Variants in NYX observed in about 807,000 individuals in gnomAD.
The protein encoded by NYX is leucine-rich repeat protein.
For synonymous variants in NYX, 258 were observed against 245.7 expected (o/e 1.05, Z -0.47); for missense variants, 481 against 485.4 (o/e 0.99, Z 0.09).
chrX:41,470,488 G>A (rs2064355048), intron 2 of NYX, among the ~76,000 whole-genome samples: 1 of 110,535 alleles, frequency 9.0e-6, no homozygotes, highest in African/African-American at 3.3e-5. Flanking sequence ...GAGGTCAGGA[G>A]TTTGAGACCA....
At chrX:41,472,758 C>T (rs747071579) in intron 2 of NYX, 46 of 281,836 alleles carry the variant, frequency 1.6e-4, no homozygotes, top group Non-Finnish European at 2.4e-4. Flanking sequence ...GTTCCGCCTG[C>T]GCCACCGCCA....
chrX:41,472,661 G>T (rs186978819), intron 2 of NYX: 5 of 427,701 alleles, frequency 1.2e-5, no homozygotes, highest in Non-Finnish European at 1.6e-5. Context: ...CATTGTCTTG[G>T]CGAGGTCCGT....
Position 41,474,860 on chromosome X carries a change from C to T in NYX, c.1392C>T (p.Ser464=), listed in dbSNP as rs1003093901. ...TCCTCGCCTCTTGTCTCCTGCCCAG[C>T]GTGGCCCAGCACGTGGTGTTTGGCC... is the stretch of plus-strand genomic sequence containing the variant. The part of the protein sequence containing the change: ...WFLLASCLLP[S]VAQHVVFGLQ... Residue 464 remains serine, a synonymous_variant, in exon 3 of 3, where the codon AGC becomes AGT. Transcript: ENST00000378220. The T allele has an allele frequency of 9.9e-6, 12 of 1,207,001 alleles. No individual in the cohort carries two copies. The highest frequency in any genetic ancestry group is 1.3e-5 in the Non-Finnish European group (12 of 894,025).
intron 2 of NYX, among the ~76,000 whole-genome samples, chrX:41,473,115 T>C (rs1416094657): frequency 1.8e-5 from 2 of 111,817 alleles, no homozygotes; most frequent in Non-Finnish European, 3.8e-5. Flanking sequence ...AATATTTAAC[T>C]TAACCATTCA....
At position 41,474,440 on chromosome X, in the gene NYX, C is replaced by T. The variant is rs1229276861; in HGVS notation, c.972C>T (p.Gly324=). The T allele has an allele frequency of 1.7e-6, 2 of 1,208,633 alleles. No individual in the cohort carries two copies. The highest frequency in any genetic ancestry group is 4.3e-5 in the Admixed American group (2 of 46,081). ...CCTTCCAGCCCGGCTTCTTCCTGGG[C>T]CGCCTCTTCCTCTTCCGCAACCCGT... ...WVAFQPGFFL[G]RLFLFRNPWC... Residue 324 remains glycine, a synonymous_variant, in exon 3 of 3, where the codon GGC becomes GGT. Coordinates refer to ENST00000378220, the MANE Select transcript of NYX (RefSeq NM_001378477.3).
At chrX:41,451,037 G>T (rs1362410886) in intron 2 of NYX, among the ~76,000 whole-genome samples, 8 of 107,283 alleles carry the variant, frequency 7.5e-5, no homozygotes, top group Non-Finnish European at 1.3e-4. Flanking sequence ...TGGCCAGGCT[G>T]GTCTCAAACT....
At position 41,474,309 on chromosome X, in the gene NYX, G is replaced by T; in HGVS notation, c.841G>T (p.Asp281Tyr). The T allele has an allele frequency of 8.3e-7, 1 of 1,208,341 alleles. No individual in the cohort carries two copies. The highest frequency in any genetic ancestry group is 1.8e-5 in the South Asian group (1 of 57,060). The change falls in exon 3 of 3, where the codon GAC becomes TAC. Residue 281 changes from aspartate to tyrosine, a missense_variant. Transcript: ENST00000378220. The stretch of plus-strand genomic sequence containing the variant: ...GGCCGAGCTCGAGCTGCTCTACCTG[G>T]ACCGCAACAGCATCGCCTTCGTGGA... ...DLAELELLYL[D>Y]RNSIAFVEEG... is the part of the protein sequence containing the mutation.
At chrX:41,448,100 A>G (rs1457480212) in intron 2 of NYX, among the ~76,000 whole-genome samples, 174 bp downstream of exon 2, 1 of 111,460 alleles carries the variant, frequency 9.0e-6, no homozygotes, top group Admixed American at 9.6e-5. Flanking sequence ...AGAAAACAGC[A>G]GGTGGTGGGG....
chrX:41,473,608 G>C lies in NYX; in HGVS notation c.140G>C (p.Gly47Ala). ...RGCSVRCDRA[G>A]LLRVPAELPC... ...TGCTCGGTGCGCTGCGACCGCGCGG[G>C]CCTCCTGCGGGTGCCGGCCGAGCTC... The change falls in exon 3 of 3, where the codon GGC becomes GCC. Residue 47 changes from glycine (G) to alanine (A), a missense_variant. Transcript: ENST00000378220. 5 of 1,039,453 alleles carry C rather than the reference G, an allele frequency of 4.8e-6. No individual in the cohort carries two copies. The highest frequency in any genetic ancestry group is 6.2e-6 in the Non-Finnish European group (5 of 811,856). 85.7% of individuals were successfully genotyped at this position (1,039,453 alleles called of 1,213,427 possible).
At chrX:41,465,590 C>T (rs2064335038) in intron 2 of NYX, among the ~76,000 whole-genome samples, 1 of 103,188 alleles carries the variant, frequency 9.7e-6, no homozygotes, top group South Asian at 4.7e-4. Flanking sequence ...AGTGCAGTGG[C>T]ATGATCTCAG....
Position 41,473,604 on chromosome X carries a change from G to T in NYX, c.136G>T (p.Ala46Ser). The stretch of plus-strand genomic sequence containing the variant: ...CGGCTGCTCGGTGCGCTGCGACCGC[G>T]CGGGCCTCCTGCGGGTGCCGGCCGA... The part of the protein sequence containing the change: ...ERGCSVRCDR[A>S]GLLRVPAELP... Residue 46 changes from alanine to serine, a missense_variant, in exon 3 of 3, where the codon GCG (alanine) becomes TCG (serine). Ala to Ser is a moderately conservative substitution (Grantham distance 99). Transcript: ENST00000378220. 1 of 1,035,412 alleles carries T rather than the reference G, an allele frequency of 9.7e-7. No individual in the cohort carries two copies. Among genetic ancestry groups the T allele is most frequent in the South Asian group, 2.5e-5 (1 of 40,463 alleles). The allele number at this position is 1,035,412 out of a possible 1,213,427, so 85.3% of individuals were successfully genotyped here. A position where few individuals can be genotyped will look rare whatever the true frequency, so the allele number is the denominator to read the frequency against.
Position 41,447,732 on chromosome X carries a change from A to C in NYX, c.-56-117A>C, listed in dbSNP as rs150377105. 1.1e-5 allele frequency: 6 copies of C among 540,617 alleles called. No individual in the cohort carries two copies. In the East Asian group the frequency reaches 2.2e-4, roughly 20 times the overall value. 44.6% of individuals were successfully genotyped at this position (540,617 alleles called of 1,213,427 possible). Reference sequence around the variant, plus strand: ...TTAGCCCAACACCAGGGTCATTAAGAAGGAAGGAATGTGAGGAAGAAAGAA... The same window carrying C: ...TTAGCCCAACACCAGGGTCATTAAGCAGGAAGGAATGTGAGGAAGAAAGAA... On this transcript the variant is annotated intron_variant, in intron 1 of 2. Transcript: ENST00000378220.
At chrX:41,462,966 TTTA>T (rs200832440) in intron 2 of NYX, among the ~76,000 whole-genome samples, 1 of 109,978 alleles carries the variant, frequency 9.1e-6, no homozygotes, top group African/African-American at 3.3e-5. Context: ...TGAAGTCTAG[TTTA>T]TTATTATTAT....
chrX:41,467,044 T>C (rs1326258487), intron 2 of NYX, among the ~76,000 whole-genome samples: 1 of 109,759 alleles, frequency 9.1e-6, no homozygotes, highest in East Asian at 2.8e-4. Flanking sequence ...CCTCCGGTGA[T>C]CCACCCACCT....
In NYX at chrX:41,474,730, C is replaced by T. The variant is rs746901065; in HGVS notation, c.1262C>T (p.Pro421Leu). The T allele has an allele frequency of 8.4e-7, 1 of 1,195,592 alleles. No homozygotes were observed. Among genetic ancestry groups the T allele is most frequent in the Admixed American group, 2.3e-5 (1 of 43,799 alleles). Residue 421 changes from proline to leucine, a missense_variant, in exon 3 of 3, where the codon CCG (proline) becomes CTG (leucine). Coordinates refer to ENST00000378220, the MANE Select transcript of NYX (RefSeq NM_001378477.3). ...LLSKLLAPRV[P>L]VEEAANTTGG... The stretch of plus-strand genomic sequence containing the variant: ...TCCAAGCTGCTGGCCCCGAGGGTCC[C>T]GGTGGAGGAGGCGGCCAACACCACT...
Position 41,447,786 on chromosome X carries a change from G to A in NYX, c.-56-63G>A, listed in dbSNP as rs2064263392. 3.9e-6 allele frequency: 3 copies of A among 776,306 alleles called. No individual in the cohort carries two copies. In the East Asian group the frequency reaches 1.0e-4, roughly 26 times the overall value. 64.0% of individuals were successfully genotyped at this position (776,306 alleles called of 1,213,427 possible). A position where few individuals can be genotyped will look rare whatever the true frequency, so the allele number is the denominator to read the frequency against. On this transcript the variant is annotated intron_variant, in intron 1 of 2. Transcript: ENST00000378220. ...CAGGGCATTCAGGAAGAAGTGTGGA[G>A]GCATGGGAGGGTTCTCATGGGGCCC...
intron 2 of NYX, among the ~76,000 whole-genome samples, chrX:41,450,937 C>T (rs12852429): frequency 4.0e-5 from 4 of 100,891 alleles, no homozygotes; most frequent in South Asian, 4.6e-4. Flanking sequence ...CTGCCCACCT[C>T]GGCCTCCCAA....
intron 2 of NYX, among the ~76,000 whole-genome samples, chrX:41,471,134 G>A (rs1244198131): frequency 9.0e-6 from 1 of 111,298 alleles, no homozygotes; most frequent in African/African-American, 3.3e-5. Context: ...GGGGGGGGAT[G>A]GAGTTTCACT....
chrX:41,461,749 G>A (rs184865796), intron 2 of NYX, among the ~76,000 whole-genome samples: 166 of 111,100 alleles, frequency 1.5e-3, no homozygotes, highest in Middle Eastern at 4.6e-3. Flanking sequence ...GTGGTTTTGC[G>A]TTGTGGTTTT....
Sources: gnomAD v4.1 joint callset for allele counts (sites outside exome capture counted in the v4.1 genomes callset) on GRCh38, gnomAD v4.1.1 for gene constraint, MANE v1.5 for transcripts, NCBI Gene and HGNC (gene_info 2026-07-23, HGNC 2026-07-21) for gene names.